Variants in PDE9A observed in about 807,000 individuals in gnomAD.
PDE9A encodes phosphodiesterase 9A.
A neutral mutation model predicts 87.4 loss-of-function variants in PDE9A; 60 were observed. The observed-to-expected ratio is 0.69, with a 90% confidence interval of 0.56 to 0.85. The LOEUF (loss-of-function observed/expected upper bound fraction) is 0.85. Ranked by LOEUF, PDE9A falls within the 40% of genes least tolerant of loss-of-function variation. The pLI is 0.00. For synonymous variants in PDE9A, 272 were observed against 279.4 expected (o/e 0.97, Z 0.27); for missense variants, 665 against 779.0 (o/e 0.85, Z 1.74).
At chr21:42,719,285 G>C (rs1035686094) in intron 4 of PDE9A, among the ~76,000 whole-genome samples, 3 of 151,656 alleles carry the variant, frequency 2.0e-5, no homozygotes, top group Admixed American at 2.0e-4. Context: ...GGAACTTTCT[G>C]CTTAAGTTTT....
intron 1 of PDE9A, among the ~76,000 whole-genome samples, chr21:42,674,840 C>T (rs947188637): frequency 6.6e-6 from 1 of 152,198 alleles, no homozygotes; most frequent in African/African-American, 2.4e-5. Flanking sequence ...TGGTAAAGAC[C>T]TTTTTTCTCC....
intron 17 of PDE9A, among the ~76,000 whole-genome samples, chr21:42,769,653 G>A (rs1219671517): frequency 2.5e-5 from 1 of 39,886 alleles, no homozygotes; most frequent in Non-Finnish European, 4.3e-5. Context: ...GGGACACACA[G>A]GCACACATAG....
At chr21:42,721,012 A>G (rs1455649790) in intron 4 of PDE9A, among the ~76,000 whole-genome samples, 1 of 152,166 alleles carries the variant, frequency 6.6e-6, no homozygotes, top group Non-Finnish European at 1.5e-5. Context: ...TCTCAAAAAA[A>G]AAAAGAAGGA....
At chr21:42,665,626 G>A (rs59463423) in intron 1 of PDE9A, among the ~76,000 whole-genome samples, 11,279 of 152,166 alleles carry the variant, frequency 0.074, 843 homozygotes, top group East Asian at 0.31. Context: ...TGCCCTGGCC[G>A]GCCCTTGCTG....
At chr21:42,670,778 GACAC>G (rs2058516324) in intron 1 of PDE9A, among the ~76,000 whole-genome samples, 1 of 151,396 alleles carries the variant, frequency 6.6e-6, no homozygotes. Context: ...CATACACTCT[GACAC>G]ACATATACAT....
chr21:42,724,755 G>GTCATAGCCACACCTC, intron 4 of PDE9A: 1 of 196,582 alleles, frequency 5.1e-6, no homozygotes, highest in Non-Finnish European at 9.2e-6. Context: ...GCCGAGGTGT[G>GTCATAGCCACACCTC]GCTATGACAG....
chr21:42,714,632 G>GTTAGCTCTACCAGTCTTTGTTGA (rs1275113266), intron 4 of PDE9A, among the ~76,000 whole-genome samples: 4 of 149,582 alleles, frequency 2.7e-5, no homozygotes, highest in East Asian at 1.9e-4. Context: ...TATGGTTGGG[G>GTTAGCTCTACCAGTCTTTGTTGA]TTAGCTCTAC....
intron 9 of PDE9A, among the ~76,000 whole-genome samples, chr21:42,752,313 C>T (rs2054523323): frequency 6.6e-6 from 1 of 152,116 alleles, no homozygotes; most frequent in Non-Finnish European, 1.5e-5. Context: ...ACTCTGTCAC[C>T]CAGGCTGGAG....
rs1433868044 is a variant in PDE9A, at chr21:42,692,453, C to T, written c.218+4459C>T. Among the ~76,000 whole-genome samples, 3 of 152,144 alleles carry T rather than the reference C, an allele frequency of 2.0e-5. No individual in the cohort carries two copies. The highest frequency in any genetic ancestry group is 2.0e-4 in the Admixed American group (3 of 15,286). ...GGAGCACCTGGTGTCTGAGGTCTCC[C>T]CTGTGCTCTGTCGCTGTCCTCTCAC... On this transcript the variant is annotated intron_variant, in intron 3 of 19. Transcript: ENST00000291539. The surrounding 1 kb of genome is among the most constrained non-coding windows in gnomAD (Gnocchi z 4.3).
chr21:42,715,899 C>T (rs2146521517), intron 4 of PDE9A, among the ~76,000 whole-genome samples: 1 of 151,904 alleles, frequency 6.6e-6, no homozygotes, highest in Non-Finnish European at 1.5e-5. Flanking sequence ...TCAAAACCCC[C>T]TGTGCGCCAC....
At chr21:42,706,436 G>A (rs546645918) in intron 4 of PDE9A, among the ~76,000 whole-genome samples, 2 of 152,270 alleles carry the variant, frequency 1.3e-5, no homozygotes, top group East Asian at 3.9e-4. Flanking sequence ...CCTGAGGTCA[G>A]GAGTTTGAGA....
intron 9 of PDE9A, 108 bp from the exon 10 acceptor site, chr21:42,753,882 A>G: frequency 1.7e-6 from 1 of 602,210 alleles, no homozygotes; most frequent in Non-Finnish European, 2.9e-6. Context: ...AAAAAAAGAA[A>G]GAAAGAAAAA....
intron 1 of PDE9A, among the ~76,000 whole-genome samples, chr21:42,672,557 C>T (rs1228984775): frequency 2.0e-5 from 3 of 152,246 alleles, no homozygotes; most frequent in African/African-American, 7.2e-5. Context: ...ACCCCCTGAA[C>T]GCATGCCAAA....
Position 42,772,533 on chromosome 21 carries a change from C to T in PDE9A, c.1768+13C>T, listed in dbSNP as rs1389379151. The T allele has an allele frequency of 3.2e-6, 5 of 1,556,794 alleles. No individual in the cohort carries two copies. Among genetic ancestry groups the T allele is most frequent in the Non-Finnish European group, 4.4e-6 (5 of 1,136,736 alleles). ...AAAAACAGTGAAGGTAATGCTTGCT[C>T]TGCTGAAGTGGCATCTCAGCGCATA... is the stretch of plus-strand genomic sequence containing the variant. On this transcript the variant is annotated intron_variant, in intron 19 of 19. Transcript: ENST00000291539.
chr21:42,654,997 A>T (rs765878638), intron 1 of PDE9A, among the ~76,000 whole-genome samples: 1 of 151,972 alleles, frequency 6.6e-6, no homozygotes, highest in Non-Finnish European at 1.5e-5. Context: ...CAGGTCCCTG[A>T]CTCCAGGACT....
chr21:42,686,356 C>T (rs576223958), intron 2 of PDE9A, 94 bp downstream of exon 2: 4 of 947,772 alleles, frequency 4.2e-6, no homozygotes, highest in Admixed American at 3.7e-5. Flanking sequence ...CGCTGAAGGG[C>T]CCGAGGCACC....
rs994326912 is a variant in PDE9A, at chr21:42,760,219, A to C, written c.898-109A>C. On this transcript the variant is annotated intron_variant, in intron 11 of 19. Transcript: ENST00000291539. The surrounding 1 kb of genome is among the most constrained non-coding windows in gnomAD (Gnocchi z 5.2). Reference sequence around the variant, plus strand: ...ACACTGTTGACCTCTGGTTGGGATGAGGGTTTGGCAGAGAATGTTCAAACC... The same window carrying C: ...ACACTGTTGACCTCTGGTTGGGATGCGGGTTTGGCAGAGAATGTTCAAACC... The C allele has an allele frequency of 7.3e-6, 5 of 684,664 alleles. No homozygotes were observed. Among genetic ancestry groups the C allele is most frequent in the Admixed American group, 4.1e-5 (2 of 48,846 alleles). The allele number at this position is 684,664 out of a possible 1,614,324, so 42.4% of individuals were successfully genotyped here.
At chr21:42,688,562 A>G (rs571377916) in intron 3 of PDE9A, among the ~76,000 whole-genome samples, 49 of 152,316 alleles carry the variant, frequency 3.2e-4, no homozygotes, top group Middle Eastern at 3.4e-3. Context: ...AGGGGCCCTC[A>G]GGTCAGTGAC....
At chr21:42,671,364 G>A (rs927842514) in intron 1 of PDE9A, among the ~76,000 whole-genome samples, 2 of 152,124 alleles carry the variant, frequency 1.3e-5, no homozygotes, top group African/African-American at 2.4e-5. Flanking sequence ...AATTTCTGTC[G>A]TTGTTGTATA....
Sources: allele counts gnomAD v4.1 joint callset (sites outside exome capture counted in the v4.1 genomes callset), GRCh38; gene constraint gnomAD v4.1.1; non-coding constraint Gnocchi (gnomAD v3.1); transcripts MANE v1.5; gene names NCBI Gene and HGNC (gene_info 2026-07-23, HGNC 2026-07-21).